The following GABRA2 variants were observed in gnomAD, a reference collection of about 807,000 sequenced individuals.
GABRA2 encodes the protein gamma-aminobutyric acid receptor subunit alpha-2.
GABRA2 carries 16 observed loss-of-function variants against 48.7 expected under a neutral mutation model. The ratio of observed to expected loss-of-function variants is 0.33; its 90% CI spans 0.22 to 0.50. GABRA2 has a LOEUF of 0.50. GABRA2 is among the 20% of genes least tolerant of loss of function. GABRA2 has a pLI of 0.98. For missense variants in GABRA2, 275 were observed against 535.6 expected (o/e 0.51, Z 4.80); for synonymous variants, 185 against 184.5 (o/e 1.00, Z -0.02).
chr4:46,313,088 A>G lies in GABRA2; in HGVS notation c.256-372T>C, dbSNP rs200628519. On this transcript the variant is annotated intron_variant, in intron 4 of 9. Coordinates refer to ENST00000381620, the MANE Select transcript of GABRA2 (RefSeq NM_000807.4). Reference sequence around the variant, plus strand: ...TTATTTTAAGTAGCCTATTTCAAGAAAAAATGAGTAGGCAGCTTTCCCAGT... The same window carrying G: ...TTATTTTAAGTAGCCTATTTCAAGAGAAAATGAGTAGGCAGCTTTCCCAGT... 1.3e-4 allele frequency among the ~76,000 whole-genome samples: 19 copies of G among 151,084 alleles called. 1 individual carries two copies. The East Asian group carries it at 2.9e-3, about 23-fold the overall frequency.
At chr4:46,272,895 G>A (rs964816155) in intron 8 of GABRA2, among the ~76,000 whole-genome samples, 1 of 151,860 alleles carries the variant, frequency 6.6e-6, no homozygotes, top group African/African-American at 2.4e-5. Flanking sequence ...AAGAGCAATG[G>A]GAAACTATTT....
Position 46,332,633 on chromosome 4 carries a change from A to G in GABRA2, c.237T>C (p.Pro79=). 1 of 1,596,742 alleles carries G rather than the reference A, an allele frequency of 6.3e-7. No individual in the cohort carries two copies. The highest frequency in any genetic ancestry group is 8.6e-7 in the Non-Finnish European group (1 of 1,164,510). Residue 79 remains proline (P), a synonymous_variant, in exon 4 of 10, where the codon CCT becomes CCC. Coordinates refer to ENST00000381620, the MANE Select transcript of GABRA2 (RefSeq NM_000807.4). ...FTNIYVTSFG[P]VSDTDMEYTI... The stretch of plus-strand genomic sequence containing the variant: ...AACTCACCATATCTGTATCTGAGAC[A>G]GGGCCAAAACTGGTCACGTAGATGT...
rs1458795322 is a variant in GABRA2, at chr4:46,256,203, G to A, written c.1060-5599C>T. The A allele has an allele frequency of 1.5e-6, 1 of 665,620 alleles. No individual in the cohort carries two copies. The highest frequency in any genetic ancestry group is 2.8e-5 in the East Asian group (1 of 36,342). 41.2% of individuals were successfully genotyped at this position (665,620 alleles called of 1,614,324 possible). A position where few individuals can be genotyped will look rare whatever the true frequency, so the allele number is the denominator to read the frequency against. On this transcript the variant is annotated intron_variant, in intron 9 of 9. Transcript: ENST00000381620. ...AGAAAAGTGATACTTACAGAAGATT[G>A]TTTGAAGGTTAAACAGTCCATCCAC... is the stretch of plus-strand genomic sequence containing the variant.
intron 8 of GABRA2, among the ~76,000 whole-genome samples, chr4:46,278,183 T>A (rs1720868289): frequency 6.6e-6 from 1 of 152,094 alleles, no homozygotes; most frequent in African/African-American, 2.4e-5. Flanking sequence ...AATAGTTGGA[T>A]CCATAGTATA....
At position 46,297,480 on chromosome 4, in the gene GABRA2, T is replaced by TATATATAC. The variant is rs1322220581; in HGVS notation, c.856+5979_856+5980insGTATATAT. On this transcript the variant is annotated intron_variant, in intron 8 of 9. Transcript: ENST00000381620. ...TAATACTACTTAATAAAATCCCATA[T>TATATATAC]ATATATATATATATATATATATATA... 3.8e-4 allele frequency among the ~76,000 whole-genome samples: 10 copies of TATATATAC among 26,412 alleles called. 1 individual carries two copies. The highest frequency in any genetic ancestry group is 1.7e-3 in the African/African-American group (10 of 5,966). 17.3% of individuals were successfully genotyped at this position (26,412 alleles called of 152,430 possible).
intron 9 of GABRA2, among the ~76,000 whole-genome samples, chr4:46,259,152 A>G (rs578208216): frequency 1.3e-5 from 2 of 152,034 alleles, no homozygotes; most frequent in East Asian, 3.9e-4. Context: ...TGAGAAAGCA[A>G]GAAGGAAAGA....
At chr4:46,254,760 C>T (rs1197341988) in intron 9 of GABRA2, among the ~76,000 whole-genome samples, 3 of 151,496 alleles carry the variant, frequency 2.0e-5, no homozygotes, top group African/African-American at 7.3e-5. Flanking sequence ...TTCTTAACCA[C>T]TAAATTTCAC....
At chr4:46,329,658 A>G (rs1731000296) in intron 4 of GABRA2, among the ~76,000 whole-genome samples, 1 of 152,112 alleles carries the variant, frequency 6.6e-6, no homozygotes, top group Admixed American at 6.6e-5. Context: ...CTATCACTTG[A>G]AATCTTCTTT....
At chr4:46,261,512 T>G (rs1175326059) in intron 9 of GABRA2, 1 of 235,276 alleles carries the variant, frequency 4.3e-6, no homozygotes, top group African/African-American at 2.2e-5. Context: ...AACCATGAAC[T>G]TAACAGTCAG....
chr4:46,298,300 T>A (rs1346563817), intron 8 of GABRA2, among the ~76,000 whole-genome samples: 1 of 152,004 alleles, frequency 6.6e-6, no homozygotes, highest in South Asian at 2.1e-4. Flanking sequence ...TTTGTAGTTG[T>A]GCTCATCTTT....
At chr4:46,337,650 CAA>C (rs71652880) in intron 3 of GABRA2, among the ~76,000 whole-genome samples, 26 of 107,700 alleles carry the variant, frequency 2.4e-4, no homozygotes, top group South Asian at 6.5e-4. Context: ...TTGTTAAGAC[CAA>C]AAAAAAAAAA....
rs544716715 is a variant in GABRA2 at position 46,382,033 on chromosome 4, C to T, written c.187+4041G>A. Among the ~76,000 whole-genome samples the T allele has an allele frequency of 4.0e-4, 61 of 152,044 alleles. 1 individual carries two copies. In the South Asian group the frequency reaches 6.2e-3, roughly 16 times the overall value. ...TTGAGTGCTTACTATGTGCCAGGCA[C>T]GGTTCTAGATGCTTAGGATAGATAT... On this transcript the variant is annotated intron_variant, in intron 3 of 9. Coordinates refer to ENST00000381620, the MANE Select transcript of GABRA2 (RefSeq NM_000807.4).
chr4:46,328,380 T>C (rs1037273220), intron 4 of GABRA2, among the ~76,000 whole-genome samples: 1 of 151,958 alleles, frequency 6.6e-6, no homozygotes, highest in Non-Finnish European at 1.5e-5. Flanking sequence ...CTCAGGCTAA[T>C]GTCATAACAA....
intron 4 of GABRA2, among the ~76,000 whole-genome samples, chr4:46,330,272 T>C (rs1474154716): frequency 6.6e-6 from 1 of 152,042 alleles, no homozygotes; most frequent in Non-Finnish European, 1.5e-5. Flanking sequence ...AATTTACAGA[T>C]AAAGCACAGC....
At chr4:46,357,016 T>C (rs1183027030) in intron 3 of GABRA2, among the ~76,000 whole-genome samples, 1 of 151,868 alleles carries the variant, frequency 6.6e-6, no homozygotes, top group Non-Finnish European at 1.5e-5. Flanking sequence ...TTGTTGTTGT[T>C]GTTTGTTTGT....
At chr4:46,277,328 T>C (rs1720692380) in intron 8 of GABRA2, among the ~76,000 whole-genome samples, 1 of 152,108 alleles carries the variant, frequency 6.6e-6, no homozygotes, top group Non-Finnish European at 1.5e-5. Context: ...GCAGCTTGCA[T>C]CTGATTATCA....
chr4:46,259,953 G>T (rs542965482), intron 9 of GABRA2, among the ~76,000 whole-genome samples: 44 of 151,766 alleles, frequency 2.9e-4, no homozygotes, highest in African/African-American at 1.0e-3. Context: ...TAGTCTGAAG[G>T]TAGGTTTATG....
chr4:46,343,507 C>T (rs1733643029), intron 3 of GABRA2, among the ~76,000 whole-genome samples: 5 of 151,708 alleles, frequency 3.3e-5, no homozygotes, highest in Admixed American at 3.3e-4. Flanking sequence ...ATAGGGGAAA[C>T]TGCAGATTCA....
chr4:46,363,057 G>A (rs1479210064), intron 3 of GABRA2, among the ~76,000 whole-genome samples: 1 of 152,044 alleles, frequency 6.6e-6, no homozygotes, highest in Non-Finnish European at 1.5e-5. Context: ...AATATTCCTT[G>A]ATTTTTCTTT....
Sources: gnomAD v4.1 joint callset for allele counts (sites outside exome capture counted in the v4.1 genomes callset) on GRCh38, gnomAD v4.1.1 for gene constraint, MANE v1.5 for transcripts, NCBI Gene and HGNC (gene_info 2026-07-23, HGNC 2026-07-21) for gene names.